Variants in MAPK10 observed in about 807,000 individuals in gnomAD.
The protein encoded by MAPK10 is JNK3 alpha protein kinase.
A neutral mutation model predicts 59.3 loss-of-function variants in MAPK10; 25 were observed. The ratio of observed to expected loss-of-function variants is 0.42; its 90% CI spans 0.31 to 0.59. The LOEUF (loss-of-function observed/expected upper bound fraction) is 0.59. MAPK10 is among the 20% of genes least tolerant of loss of function. The probability of loss-of-function intolerance (pLI) is 0.15; values close to 1 mark genes in which losing one functional copy is unlikely to be tolerated. For missense variants in MAPK10, 351 were observed against 568.9 expected, an observed-to-expected ratio of 0.62 and a Z score of 3.90; for synonymous variants, 190 against 200.5, an observed-to-expected ratio of 0.95 and a Z score of 0.44.
chr4:86,529,509 C>T (rs895886779), intron 1 of MAPK10, among the ~76,000 whole-genome samples: 2 of 152,210 alleles, frequency 1.3e-5, no homozygotes, highest in African/African-American at 4.8e-5. Flanking sequence ...AAGTCTACTA[C>T]TTCAGAAGGT....
At chr4:86,269,888 A>C (rs969296762) in intron 2 of MAPK10, among the ~76,000 whole-genome samples, 2 of 152,116 alleles carry the variant, frequency 1.3e-5, no homozygotes, top group Non-Finnish European at 2.9e-5. Context: ...TTAGTAAAAA[A>C]GTTTTGATTA....
At chr4:86,577,849 T>C (rs965997333) in intron 1 of MAPK10, among the ~76,000 whole-genome samples, 5 of 152,078 alleles carry the variant, frequency 3.3e-5, no homozygotes, top group Admixed American at 3.3e-4. Context: ...GAAGAAAAAT[T>C]TTAAATACCA....
chr4:86,264,092 T>C (rs1342445813), intron 2 of MAPK10, among the ~76,000 whole-genome samples: 2 of 152,232 alleles, frequency 1.3e-5, no homozygotes, highest in African/African-American at 4.8e-5. Flanking sequence ...AGAAAAGTTA[T>C]ATGTTCCAGA....
At chr4:86,573,632 G>A (rs114211173) in intron 1 of MAPK10, among the ~76,000 whole-genome samples, 522 of 152,222 alleles carry the variant, frequency 3.4e-3, no homozygotes, top group African/African-American at 0.012. Flanking sequence ...TCAAAAAGCT[G>A]CTTATATCTT....
chr4:86,027,035 C>T (rs1750656621), intron 13 of MAPK10: 1 of 152,162 alleles, frequency 6.6e-6, no homozygotes, highest in African/African-American at 2.4e-5. Context: ...CCGTCATGAG[C>T]TGGTAGAGTC....
Position 86,090,050 on chromosome 4 carries a change from A to C in MAPK10, c.802+8474T>G, listed in dbSNP as rs375974613. Among the ~76,000 whole-genome samples the C allele has an allele frequency of 5.9e-5, 9 of 152,160 alleles. No individual in the cohort carries two copies. In the East Asian group the frequency reaches 1.4e-3, roughly 23 times the overall value. ...TATAATGGTCTCTCTGTTATTGCCA[A>C]GTATCATCCAGAACTTAAAACCAGG... On this transcript the variant is annotated intron_variant, in intron 9 of 13. Coordinates refer to ENST00000641462, the MANE Select transcript of MAPK10 (RefSeq NM_138982.4).
chr4:86,546,378 T>C (rs1011788448), intron 1 of MAPK10, among the ~76,000 whole-genome samples: 1 of 149,638 alleles, frequency 6.7e-6, no homozygotes, highest in Non-Finnish European at 1.5e-5. Flanking sequence ...CAAAACCCTG[T>C]CTCTACTAAA....
chr4:86,314,403 A>T (rs931148437), intron 2 of MAPK10, among the ~76,000 whole-genome samples: 1 of 152,126 alleles, frequency 6.6e-6, no homozygotes, highest in Non-Finnish European at 1.5e-5. Context: ...ATGGTAGTGA[A>T]TAAGTCTCAC....
At chr4:86,285,447 C>T (rs2094966826) in intron 2 of MAPK10, among the ~76,000 whole-genome samples, 1 of 152,042 alleles carries the variant, frequency 6.6e-6, no homozygotes. Context: ...CAACTCTTGA[C>T]CTCGTGATCC....
chr4:86,030,038 A>G (rs1333192681), intron 12 of MAPK10, among the ~76,000 whole-genome samples: 3 of 152,132 alleles, frequency 2.0e-5, no homozygotes, highest in African/African-American at 7.2e-5. Flanking sequence ...AATCTGTATA[A>G]TCATCATCCT....
intron 9 of MAPK10, among the ~76,000 whole-genome samples, chr4:86,087,338 C>A (rs1002108436): frequency 6.6e-6 from 1 of 152,142 alleles, no homozygotes; most frequent in Non-Finnish European, 1.5e-5. Context: ...AGTCTATTTT[C>A]ATCAAATTAT....
intron 1 of MAPK10, among the ~76,000 whole-genome samples, chr4:86,578,878 T>A (rs533349323): frequency 1.6e-4 from 25 of 152,256 alleles, no homozygotes; most frequent in African/African-American, 5.1e-4. Context: ...TGTTTAAAAA[T>A]CTGGAAGATA....
At chr4:86,560,226 T>C (rs1373223528) in intron 1 of MAPK10, among the ~76,000 whole-genome samples, 1 of 152,188 alleles carries the variant, frequency 6.6e-6, no homozygotes, top group Non-Finnish European at 1.5e-5. Flanking sequence ...CTTTTCAATA[T>C]AGAAAAATAA....
At chr4:86,587,323 C>G (rs527847580) in intron 1 of MAPK10, among the ~76,000 whole-genome samples, 1 of 152,300 alleles carries the variant, frequency 6.6e-6, no homozygotes, top group South Asian at 2.1e-4. Context: ...GGGGAATTCT[C>G]AAATTTTAAA....
chr4:86,465,800 T>C (rs1052054922), intron 1 of MAPK10, among the ~76,000 whole-genome samples: 6 of 152,070 alleles, frequency 3.9e-5, no homozygotes, highest in Admixed American at 3.3e-4. Context: ...GTTACAGCCA[T>C]GTTGAGACTG....
intron 1 of MAPK10, among the ~76,000 whole-genome samples, chr4:86,543,450 G>A (rs749124257): frequency 6.6e-6 from 1 of 151,926 alleles, no homozygotes; most frequent in Non-Finnish European, 1.5e-5. Flanking sequence ...TATGCCCTGA[G>A]ACTCTACACG....
chr4:86,428,121 A>G (rs1747540044), intron 1 of MAPK10, among the ~76,000 whole-genome samples: 1 of 151,320 alleles, frequency 6.6e-6, no homozygotes, highest in Non-Finnish European at 1.5e-5. Context: ...CAAAAAGCAG[A>G]TTGGTGTTTT....
chr4:86,184,001 T>C (rs1404670510), intron 3 of MAPK10, among the ~76,000 whole-genome samples: 1 of 152,208 alleles, frequency 6.6e-6, no homozygotes, highest in Non-Finnish European at 1.5e-5. Context: ...GTATTTTTCT[T>C]GTAAATTTGT....
At chr4:86,567,466 C>T (rs910331052) in intron 1 of MAPK10, among the ~76,000 whole-genome samples, 2 of 152,112 alleles carry the variant, frequency 1.3e-5, no homozygotes, top group Non-Finnish European at 2.9e-5. Context: ...GTGATCCACC[C>T]GCCTCGGCCT....
Sources: gnomAD v4.1 joint callset for allele counts (sites outside exome capture counted in the v4.1 genomes callset) on GRCh38, gnomAD v4.1.1 for gene constraint, MANE v1.5 for transcripts, NCBI Gene and HGNC (gene_info 2026-07-23, HGNC 2026-07-21) for gene names.